CCDC148: variants seen among roughly 807,000 people sequenced by gnomAD.
CCDC148 encodes coiled-coil domain containing 148.
CCDC148 carries 89 observed loss-of-function variants against 85.7 expected under a neutral mutation model. That is an observed-to-expected ratio of 1.04 (90% CI 0.87 to 1.24). The LOEUF (loss-of-function observed/expected upper bound fraction) is 1.24. Ranked by LOEUF, CCDC148 falls within the 50% of genes most tolerant of loss-of-function variation. The pLI, the probability that CCDC148 is intolerant of heterozygous loss-of-function variation, is 0.00. For synonymous variants in CCDC148, 230 were observed against 213.9 expected (o/e 1.08, Z -0.66); for missense variants, 692 against 671.7 (o/e 1.03, Z -0.33).
chr2:158,209,752 C>G (rs966816313), intron 11 of CCDC148, among the ~76,000 whole-genome samples: 1 of 152,152 alleles, frequency 6.6e-6, no homozygotes, highest in African/African-American at 2.4e-5. Context: ...CCTTTACAGA[C>G]AAGCTAATGC....
intron 1 of CCDC148, among the ~76,000 whole-genome samples, chr2:158,418,062 C>G (rs955643872): frequency 4.6e-5 from 7 of 150,720 alleles, no homozygotes; most frequent in Non-Finnish European, 1.0e-4. Flanking sequence ...AATAAGAGAA[C>G]CATTAAAACA....
intron 1 of CCDC148, among the ~76,000 whole-genome samples, chr2:158,450,446 ACAAC>A (rs1688360288): frequency 6.6e-6 from 1 of 152,158 alleles, no homozygotes. Flanking sequence ...CATCTGTCTG[ACAAC>A]CTTCTTTTAC....
chr2:158,440,186 T>C (rs1322081022), intron 1 of CCDC148, among the ~76,000 whole-genome samples: 1 of 152,148 alleles, frequency 6.6e-6, no homozygotes, highest in Non-Finnish European at 1.5e-5. Flanking sequence ...TAAATGTTGA[T>C]AATATCAAGT....
At chr2:158,249,158 G>A (rs145229352) in intron 10 of CCDC148, among the ~76,000 whole-genome samples, 5 of 152,182 alleles carry the variant, frequency 3.3e-5, no homozygotes, top group African/African-American at 1.2e-4. Flanking sequence ...GGCTTTACCT[G>A]TCTTTGTAAA....
At chr2:158,358,418 T>C in intron 2 of CCDC148, 31 bp downstream of exon 2, 1 of 1,584,332 alleles carries the variant, frequency 6.3e-7, no homozygotes, top group African/African-American at 1.4e-5. Flanking sequence ...TTTCTAAAAC[T>C]AGAAAAACAC....
rs1271625600 is a variant in CCDC148 at position 158,250,772 on chromosome 2, T to C, written c.1251A>G (p.Lys417=). ...TTCGTATTGACAATAGATTTTTTACTTTTTTTTTCTTCTCTGCTCTTTGCA... is the reference window on the plus strand; with the variant it reads ...TTCGTATTGACAATAGATTTTTTACCTTTTTTTTCTTCTCTGCTCTTTGCA... ...ELLQRAEKKK[K]IKKYWAKKKQ... The change falls in exon 10 of 14, where the codon AAA becomes AAG. Residue 417 remains lysine, a splice_region_variant and synonymous_variant. Coordinates refer to ENST00000283233, the MANE Select transcript of CCDC148 (RefSeq NM_138803.4). 1.3e-6 allele frequency: 2 copies of C among 1,525,538 alleles called. No homozygotes were observed. The highest frequency in any genetic ancestry group is 1.4e-5 in the African/African-American group (1 of 71,546). 94.5% of individuals were successfully genotyped at this position (1,525,538 alleles called of 1,614,324 possible).
chr2:158,340,503 A>G, intron 4 of CCDC148, 95 bp downstream of exon 4: 1 of 1,410,732 alleles, frequency 7.1e-7, no homozygotes. Context: ...AAAAAAACAA[A>G]TGGCAGTTAA....
chr2:158,398,802 C>CA (rs1225165915), intron 1 of CCDC148, among the ~76,000 whole-genome samples: 3 of 151,826 alleles, frequency 2.0e-5, no homozygotes, highest in East Asian at 3.9e-4. Context: ...GACAGAGACA[C>CA]AAAAAACCCT....
At chr2:158,341,771 T>C (rs1682707977) in intron 3 of CCDC148, among the ~76,000 whole-genome samples, 1 of 151,964 alleles carries the variant, frequency 6.6e-6, no homozygotes, top group Non-Finnish European at 1.5e-5. Flanking sequence ...AATGGTATAA[T>C]ATAAAAAAGC....
At chr2:158,259,955 G>A (rs575045107) in intron 9 of CCDC148, among the ~76,000 whole-genome samples, 1 of 152,008 alleles carries the variant, frequency 6.6e-6, no homozygotes, top group South Asian at 2.1e-4. Flanking sequence ...TCTCTTACCT[G>A]TGTCTGTGAA....
At chr2:158,363,361 A>C (rs1025413437) in intron 1 of CCDC148, among the ~76,000 whole-genome samples, 6 of 152,130 alleles carry the variant, frequency 3.9e-5, no homozygotes, top group Non-Finnish European at 8.8e-5. Flanking sequence ...GACACAACAA[A>C]AAAAGAAAAT....
chr2:158,372,842 C>A (rs1481278596), intron 1 of CCDC148, among the ~76,000 whole-genome samples: 1 of 152,022 alleles, frequency 6.6e-6, no homozygotes, highest in Non-Finnish European at 1.5e-5. Context: ...CCCTTCATTA[C>A]CTATTACCTT....
intron 10 of CCDC148, among the ~76,000 whole-genome samples, chr2:158,233,647 G>T (rs1003003499): frequency 1.3e-5 from 2 of 151,896 alleles, no homozygotes; most frequent in African/African-American, 4.8e-5. Context: ...TTCAAACAGT[G>T]AGCCAGTTCA....
At chr2:158,305,079 C>T (rs544364481) in intron 9 of CCDC148, among the ~76,000 whole-genome samples, 7 of 152,168 alleles carry the variant, frequency 4.6e-5, no homozygotes, top group African/African-American at 7.2e-5. Context: ...GAGCAGAGAA[C>T]GCATCCTATG....
At chr2:158,322,887 T>G (rs1264648414) in intron 7 of CCDC148, among the ~76,000 whole-genome samples, 2 of 152,152 alleles carry the variant, frequency 1.3e-5, no homozygotes, top group African/African-American at 4.8e-5. Flanking sequence ...CCTATTAAAC[T>G]ATAAAGTAGA....
chr2:158,382,445 T>C (rs542221551), intron 1 of CCDC148, among the ~76,000 whole-genome samples: 47 of 152,212 alleles, frequency 3.1e-4, no homozygotes, highest in African/African-American at 8.4e-4. Context: ...TCCTGTCCAA[T>C]GGGAAATGTG....
intron 7 of CCDC148, among the ~76,000 whole-genome samples, chr2:158,327,526 C>A (rs1692842207): frequency 6.6e-6 from 1 of 152,116 alleles, no homozygotes; most frequent in South Asian, 2.1e-4. Flanking sequence ...ATTCTGAACC[C>A]AAATTCATCC....
At position 158,437,245 on chromosome 2, in the gene CCDC148, C is replaced by T. The variant is rs528749867; in HGVS notation, c.25+19170G>A. 1.5e-4 allele frequency among the ~76,000 whole-genome samples: 23 copies of T among 152,164 alleles called. No homozygotes were observed. The East Asian group carries it at 3.5e-3, about 23-fold the overall frequency. ...AATCCTCAATAAAATACCGGTAAAC[C>T]GAATCCAGCAGCACATCAAAAAGCT... On this transcript the variant is annotated intron_variant, in intron 1 of 13. Transcript: ENST00000283233.
intron 1 of CCDC148, among the ~76,000 whole-genome samples, chr2:158,374,945 T>C (rs570428872): frequency 4.7e-4 from 71 of 152,194 alleles, no homozygotes; most frequent in Non-Finnish European, 8.5e-4. Context: ...AGGTAAATTC[T>C]AAATAAATAG....
Sources: gnomAD v4.1 joint callset for allele counts (sites outside exome capture counted in the v4.1 genomes callset) on GRCh38, gnomAD v4.1.1 for gene constraint, MANE v1.5 for transcripts, NCBI Gene and HGNC (gene_info 2026-07-23, HGNC 2026-07-21) for gene names.